Variants in RAB2A observed in about 807,000 individuals in gnomAD.
The protein encoded by RAB2A is RAB2A, member RAS oncogene family, also known as ras-related protein Rab-2A.
In RAB2A, 7 loss-of-function variants were observed where a neutral mutation model predicts 32.5. The ratio of observed to expected loss-of-function variants is 0.22; its 90% CI spans 0.12 to 0.40. The LOEUF (loss-of-function observed/expected upper bound fraction) is 0.40, where lower values mean the gene tolerates loss of function less well. Among genes scored for constraint, RAB2A ranks in the 10% least tolerant of loss-of-function variants. The pLI, the probability that RAB2A is intolerant of heterozygous loss-of-function variation, is 1.00. For missense variants in RAB2A, 108 were observed against 260.7 expected (o/e 0.41, Z 4.03); for synonymous variants, 79 against 85.2 (o/e 0.93, Z 0.40).
intron 3 of RAB2A, among the ~76,000 whole-genome samples, chr8:60,581,701 T>C (rs1224096975): frequency 6.6e-6 from 1 of 152,124 alleles, no homozygotes; most frequent in African/African-American, 2.4e-5. Context: ...TTCCTGCCAT[T>C]GTGCCTTCAG....
intron 2 of RAB2A, among the ~76,000 whole-genome samples, chr8:60,563,106 C>T (rs1586084537): frequency 6.6e-6 from 1 of 152,104 alleles, no homozygotes. Context: ...CTTGACTCTG[C>T]TGCATACTTG....
intron 6 of RAB2A, among the ~76,000 whole-genome samples, chr8:60,599,483 G>A (rs10808710): frequency 0.47 from 71,318 of 151,894 alleles, 17,760 homozygotes; most frequent in African/African-American, 0.64. Context: ...AGCTGACACA[G>A]CTTAGCAAAG....
chr8:60,584,380 C>A (rs1231762170), intron 4 of RAB2A, 90 bp downstream of exon 4: 5 of 1,120,834 alleles, frequency 4.5e-6, no homozygotes, highest in East Asian at 4.8e-5. Context: ...AATAGCTTAG[C>A]CTTTCTGCCC....
intron 5 of RAB2A, 111 bp from the exon 6 acceptor site, chr8:60,591,747 T>C: frequency 1.5e-6 from 1 of 663,894 alleles, no homozygotes; most frequent in Non-Finnish European, 2.7e-6. Context: ...ATGTTAAAAA[T>C]TAATTAAAAG....
At chr8:60,565,882 T>C (rs1435136955) in intron 2 of RAB2A, among the ~76,000 whole-genome samples, 1 of 151,702 alleles carries the variant, frequency 6.6e-6, no homozygotes, top group African/African-American at 2.4e-5. Flanking sequence ...GGATAATTTT[T>C]TGTGTTTCTT....
At chr8:60,546,251 T>C (rs1480257531) in intron 1 of RAB2A, among the ~76,000 whole-genome samples, 12 of 152,226 alleles carry the variant, frequency 7.9e-5, no homozygotes. Context: ...GGACTTTTTC[T>C]TTTTTCTTAA....
chr8:60,594,780 G>T (rs764528716), intron 6 of RAB2A, among the ~76,000 whole-genome samples: 4 of 152,174 alleles, frequency 2.6e-5, no homozygotes, highest in Non-Finnish European at 4.4e-5. Flanking sequence ...ATGGTTTCCA[G>T]CTTCATCCAT....
At chr8:60,600,989 A>G (rs116389854) in intron 6 of RAB2A, among the ~76,000 whole-genome samples, 101 of 152,338 alleles carry the variant, frequency 6.6e-4, no homozygotes, top group Middle Eastern at 3.4e-3. Context: ...TGAATCTGTA[A>G]TTATCTTAAA....
intron 4 of RAB2A, 29 bp from the exon 5 acceptor site, chr8:60,584,694 A>C (rs768856779): frequency 6.5e-7 from 1 of 1,533,836 alleles, no homozygotes; most frequent in Admixed American, 1.7e-5. Flanking sequence ...TGCTTTGAAC[A>C]TAGTAATTAA....
At chr8:60,599,468 A>G (rs558505697) in intron 6 of RAB2A, among the ~76,000 whole-genome samples, 2 of 152,184 alleles carry the variant, frequency 1.3e-5, no homozygotes, top group Non-Finnish European at 2.9e-5. Flanking sequence ...CAGAAGAACT[A>G]AAGTAGCTGA....
intron 7 of RAB2A, among the ~76,000 whole-genome samples, chr8:60,619,871 C>A (rs147584216): frequency 6.6e-6 from 1 of 152,350 alleles, no homozygotes; most frequent in Non-Finnish European, 1.5e-5. Flanking sequence ...TTGCTACCAG[C>A]CCAGAGGGGG....
At chr8:60,565,964 C>T (rs1266004147) in intron 2 of RAB2A, among the ~76,000 whole-genome samples, 4 of 152,066 alleles carry the variant, frequency 2.6e-5, no homozygotes, top group East Asian at 1.9e-4. Flanking sequence ...CCACCCGCCT[C>T]GGCCTCCCAA....
intron 3 of RAB2A, 104 bp from the exon 4 acceptor site, chr8:60,584,100 CTCTT>C: frequency 1.1e-6 from 1 of 881,018 alleles, no homozygotes; most frequent in Non-Finnish European, 1.8e-6. Flanking sequence ...TTTCTTGTCT[CTCTT>C]TATGCACTCC....
chr8:60,594,686 A>G (rs1346216982), intron 6 of RAB2A, among the ~76,000 whole-genome samples: 1 of 151,932 alleles, frequency 6.6e-6, no homozygotes, highest in Non-Finnish European at 1.5e-5. Flanking sequence ...CCTGTGTCCA[A>G]GTGTTCTCAT....
At chr8:60,549,531 G>T (rs1320711698) in intron 1 of RAB2A, among the ~76,000 whole-genome samples, 3 of 148,220 alleles carry the variant, frequency 2.0e-5, no homozygotes, top group Admixed American at 6.8e-5. Context: ...GATAGAAAAT[G>T]ATTGGGGATT....
chr8:60,605,828 A>AATATATATATATATATAT (rs765737905), intron 6 of RAB2A, among the ~76,000 whole-genome samples: 96 of 113,970 alleles, frequency 8.4e-4, no homozygotes, highest in Admixed American at 5.1e-3. Flanking sequence ...AAAAGGGACT[A>AATATATATATATATATAT]ATACATATAT....
At position 60,621,316 on chromosome 8, in the gene RAB2A, A is replaced by C. The variant is rs1804522406; in HGVS notation, c.*547A>C. 6.6e-6 allele frequency: 1 copy of C among 152,284 alleles called. No homozygotes were observed. Among genetic ancestry groups the C allele is most frequent in the African/African-American group, 2.4e-5 (1 of 41,462 alleles). 9.4% of individuals were successfully genotyped at this position (152,284 alleles called of 1,614,324 possible). On this transcript the variant is annotated 3_prime_UTR_variant, in exon 8 of 8. Transcript: ENST00000262646. ...TTTGCATAAATTCTATACTGTTTAG[A>C]GCTTAAAGCTACAGAAGCATTGTTA...
At chr8:60,567,970 A>G (rs1808141011) in intron 2 of RAB2A, among the ~76,000 whole-genome samples, 1 of 152,190 alleles carries the variant, frequency 6.6e-6, no homozygotes, top group Admixed American at 6.5e-5. Flanking sequence ...TTTTACCATT[A>G]AGTATGGTGT....
chr8:60,589,792 T>G (rs57310966), intron 5 of RAB2A, among the ~76,000 whole-genome samples: 7,303 of 152,222 alleles, frequency 0.048, 422 homozygotes, highest in African/African-American at 0.14. Context: ...TTTTTTGATT[T>G]GACCTATAGT....
Sources: allele counts gnomAD v4.1 joint callset (sites outside exome capture counted in the v4.1 genomes callset), GRCh38; gene constraint gnomAD v4.1.1; transcripts MANE v1.5; gene names NCBI Gene and HGNC (gene_info 2026-07-23, HGNC 2026-07-21).